CELF2: variants seen among roughly 807,000 people sequenced by gnomAD.
CELF2 encodes CUG triplet repeat RNA-binding protein 2.
A neutral mutation model predicts 62.6 loss-of-function variants in CELF2; 8 were observed. That is an observed-to-expected ratio of 0.13 (90% confidence interval 0.07 to 0.23). The LOEUF (loss-of-function observed/expected upper bound fraction) is 0.23. CELF2 is among the 10% of genes least tolerant of loss of function. CELF2 has a pLI of 1.00. For missense variants in CELF2, 333 were observed against 671.0 expected (o/e 0.50, Z 5.56); for synonymous variants, 258 against 250.0 (o/e 1.03, Z -0.30).
intron 1 of CELF2, among the ~76,000 whole-genome samples, chr10:10,852,899 G>A (rs2059473445): frequency 6.6e-6 from 1 of 152,190 alleles, no homozygotes; most frequent in South Asian, 2.1e-4. Context: ...ATTTTTGTGT[G>A]TGCCTTTTAG....
At chr10:11,195,019 A>T (rs2057068968) in intron 2 of CELF2, among the ~76,000 whole-genome samples, 1 of 152,184 alleles carries the variant, frequency 6.6e-6, no homozygotes, top group Non-Finnish European at 1.5e-5. Context: ...ATCCCATCTC[A>T]GTGTAGCAGA....
chr10:11,210,098 A>G (rs917348361), intron 2 of CELF2, among the ~76,000 whole-genome samples: 1 of 152,248 alleles, frequency 6.6e-6, no homozygotes, highest in Non-Finnish European at 1.5e-5. Context: ...GGCAGCGTGT[A>G]AAGGAATTTC....
chr10:10,583,719 A>G, the CELF2 span, among the ~76,000 whole-genome samples: 2 of 152,306 alleles, frequency 1.3e-5, no homozygotes, highest in South Asian at 2.1e-4. Context: ...CTAGGAAAGA[A>G]AGACCGAGAC....
chr10:11,096,498 T>TAAA (rs1372621838), intron 1 of CELF2: 5 of 152,172 alleles, frequency 3.3e-5, no homozygotes, highest in Non-Finnish European at 7.3e-5. Flanking sequence ...AAAAACAAAT[T>TAAA]AAGTATCTTA....
rs2063087007 is a variant in CELF2, at chr10:10,903,345, A to G, written c.54-16619A>G. Among the ~76,000 whole-genome samples the G allele has an allele frequency of 2.6e-5, 4 of 152,308 alleles. No individual in the cohort carries two copies. The South Asian group carries it at 8.3e-4, about 32-fold the overall frequency. ...TGGCTATACATACAACTCAGGCCACATTTGTCTTCTAGGACTGAGTTTTTG... is the reference window on the plus strand; with the variant it reads ...TGGCTATACATACAACTCAGGCCACGTTTGTCTTCTAGGACTGAGTTTTTG... On this transcript the variant is annotated intron_variant, in intron 1 of 13. Transcript: ENST00000636488.
chr10:11,031,985 C>CT (rs2060187180), intron 1 of CELF2, among the ~76,000 whole-genome samples: 1 of 152,038 alleles, frequency 6.6e-6, no homozygotes, highest in African/African-American at 2.4e-5. Context: ...CACAAGTCCT[C>CT]TATTTCCACC....
intron 2 of CELF2, among the ~76,000 whole-genome samples, chr10:11,200,751 C>G (rs762956076): frequency 3.3e-5 from 5 of 152,166 alleles, no homozygotes; most frequent in Non-Finnish European, 7.3e-5. Flanking sequence ...TAAGCCTCAG[C>G]TACTGGGTCA....
chr10:11,269,149 T>A lies in CELF2; in HGVS notation c.619-1517T>A, dbSNP rs1259893801. Among the ~76,000 whole-genome samples the A allele has an allele frequency of 6.6e-6, 1 of 152,200 alleles. No individual in the cohort carries two copies. Among genetic ancestry groups the A allele is most frequent in the Non-Finnish European group, 1.5e-5 (1 of 68,042 alleles). ...CTACATAATCTTCAAAGTATGTTGC[T>A]CTCTTTTAAGTGAAGTACTGAAACA... On this transcript the variant is annotated intron_variant, in intron 6 of 12. Coordinates refer to ENST00000633077, the MANE Select transcript of CELF2 (RefSeq NM_001326342.2). The surrounding 1 kb of genome is among the most constrained non-coding windows in gnomAD (Gnocchi z 4.4).
chr10:10,737,877 C>T, the CELF2 span, among the ~76,000 whole-genome samples: 1 of 152,208 alleles, frequency 6.6e-6, no homozygotes, highest in African/African-American at 2.4e-5. Flanking sequence ...GGTCAGATCT[C>T]TCCCCAGCTA....
chr10:10,667,469 C>T, the CELF2 span, among the ~76,000 whole-genome samples: 1 of 152,140 alleles, frequency 6.6e-6, no homozygotes, highest in Non-Finnish European at 1.5e-5. Flanking sequence ...GCACAAAAGG[C>T]CACAGGAATA....
rs2068578981 is a variant in CELF2, at chr10:11,067,838, C to T, written c.74+49675C>T. Reference sequence around the variant, plus strand: ...GGGCAAGTTATTTAACCTTCTAAATCCCACTTTCCCGTCTGTAAAGTGAAA... The same window carrying T: ...GGGCAAGTTATTTAACCTTCTAAATTCCACTTTCCCGTCTGTAAAGTGAAA... On this transcript the variant is annotated intron_variant, in intron 1 of 12. Coordinates refer to ENST00000633077, the MANE Select transcript of CELF2 (RefSeq NM_001326342.2). Among the ~76,000 whole-genome samples the T allele has an allele frequency of 3.3e-5, 5 of 152,310 alleles. No homozygotes were observed. In the South Asian group the frequency reaches 1.0e-3, roughly 32 times the overall value.
At chr10:10,491,054 G>A in the CELF2 span, among the ~76,000 whole-genome samples, 1 of 152,150 alleles carries the variant, frequency 6.6e-6, no homozygotes, top group Non-Finnish European at 1.5e-5. Context: ...TGTAGGGAAT[G>A]GACTAAGGAA....
At chr10:10,885,835 G>A (rs1430468984) in intron 1 of CELF2, among the ~76,000 whole-genome samples, 1 of 151,990 alleles carries the variant, frequency 6.6e-6, no homozygotes, top group African/African-American at 2.4e-5. Flanking sequence ...TCTTCTTTCT[G>A]ACCTCTGCTT....
At chr10:10,736,380 CTTTCTTTCTTTCTTTCTT>C in the CELF2 span, among the ~76,000 whole-genome samples, 2 of 94,924 alleles carry the variant, frequency 2.1e-5, 1 homozygote, top group African/African-American at 9.7e-5. Flanking sequence ...TTCTTTCTTT[CTTTCTTTCTTTCTTTCTT>C]TTTTTTTTTT....
intron 3 of CELF2, among the ~76,000 whole-genome samples, chr10:11,219,671 T>C (rs2064261231): frequency 6.6e-6 from 1 of 152,248 alleles, no homozygotes; most frequent in South Asian, 2.1e-4. Context: ...CTTCGTCCAG[T>C]ACACATTACC....
chr10:10,508,465 C>A, the CELF2 span, among the ~76,000 whole-genome samples: 1 of 152,182 alleles, frequency 6.6e-6, no homozygotes, highest in East Asian at 1.9e-4. Flanking sequence ...ATCAGAGAGC[C>A]TCGGCATGCT....
At chr10:10,689,352 A>G in the CELF2 span, among the ~76,000 whole-genome samples, 1 of 152,166 alleles carries the variant, frequency 6.6e-6, no homozygotes, top group East Asian at 1.9e-4. Context: ...TATCATGAGA[A>G]CAGCAAGGTG....
the CELF2 span, among the ~76,000 whole-genome samples, chr10:10,487,857 A>G: frequency 3.9e-4 from 60 of 152,308 alleles, no homozygotes; most frequent in African/African-American, 1.4e-3. Context: ...CAAATAGTTG[A>G]ACATAAGAAT....
the CELF2 span, among the ~76,000 whole-genome samples, chr10:10,612,337 T>C: frequency 2.0e-5 from 3 of 152,146 alleles, no homozygotes; most frequent in Non-Finnish European, 4.4e-5. Context: ...GGAAGAGGCA[T>C]GAAGTATAAA....
Sources: gnomAD v4.1 joint callset for allele counts (sites outside exome capture counted in the v4.1 genomes callset) on GRCh38, gnomAD v4.1.1 for gene constraint, Gnocchi (gnomAD v3.1) non-coding constraint, MANE v1.5 for transcripts, NCBI Gene and HGNC (gene_info 2026-07-23, HGNC 2026-07-21) for gene names.